KIAA1217: variants seen among roughly 807,000 people sequenced by gnomAD.
KIAA1217 encodes KIAA1217.
In KIAA1217, 88 loss-of-function variants were observed where a neutral mutation model predicts 163.9. That is an observed-to-expected ratio of 0.54 (90% confidence interval 0.45 to 0.64). The LOEUF (loss-of-function observed/expected upper bound fraction) is 0.64, where lower values mean the gene tolerates loss of function less well. Among genes scored for constraint, KIAA1217 ranks in the 30% least tolerant of loss-of-function variants. The pLI is 0.00. For missense variants in KIAA1217, 2,372 were observed against 2,475.0 expected (o/e 0.96, Z 0.88); for synonymous variants, 903 against 923.1 (o/e 0.98, Z 0.39).
rs1456900374 is a variant in KIAA1217, at chr10:24,194,321, C to T, written c.-170-25305C>T. 3.4e-5 allele frequency among the ~76,000 whole-genome samples: 4 copies of T among 116,120 alleles called. No individual in the cohort carries two copies. In the Admixed American group the frequency reaches 3.5e-4, roughly 10 times the overall value. 76.2% of individuals were successfully genotyped at this position (116,120 alleles called of 152,430 possible). A position where few individuals can be genotyped will look rare whatever the true frequency, so the allele number is the denominator to read the frequency against. On this transcript the variant is annotated intron_variant, in intron 2 of 18. Coordinates refer to the KIAA1217 transcript ENST00000376462. Reference sequence around the variant, plus strand: ...CCTCTCCCCTCCCCTCCTCTCCCCTCTCCTCCCCTCCCCTACCCCACCCCA... The same window carrying T: ...CCTCTCCCCTCCCCTCCTCTCCCCTTTCCTCCCCTCCCCTACCCCACCCCA...
intron 2 of KIAA1217, among the ~76,000 whole-genome samples, chr10:24,346,554 G>C (rs1251197538): frequency 6.7e-6 from 1 of 150,132 alleles, no homozygotes; most frequent in Non-Finnish European, 1.5e-5. Context: ...TTGGTATTTT[G>C]GGTTTTGTTG....
intron 1 of KIAA1217, among the ~76,000 whole-genome samples, chr10:23,899,093 G>A (rs963469161): frequency 6.6e-6 from 1 of 152,078 alleles, no homozygotes; most frequent in African/African-American, 2.4e-5. Flanking sequence ...TGGGTTGGCT[G>A]ATTGGTTTGT....
intron 1 of KIAA1217, among the ~76,000 whole-genome samples, chr10:23,829,141 A>G (rs1838052468): frequency 6.6e-6 from 1 of 152,226 alleles, no homozygotes; most frequent in African/African-American, 2.4e-5. Flanking sequence ...GTTGAATATC[A>G]CATTACTTTG....
intron 2 of KIAA1217, among the ~76,000 whole-genome samples, chr10:24,196,002 G>C (rs1392204476): frequency 6.6e-6 from 1 of 151,830 alleles, no homozygotes; most frequent in African/African-American, 2.4e-5. Flanking sequence ...AGGTGTGGTG[G>C]TGTGCACCTG....
intron 2 of KIAA1217, among the ~76,000 whole-genome samples, chr10:24,248,375 C>G (rs1015621405): frequency 6.6e-6 from 1 of 151,948 alleles, no homozygotes; most frequent in Non-Finnish European, 1.5e-5. Context: ...AAATGTATAC[C>G]GAAATGTCCT....
intron 1 of KIAA1217, among the ~76,000 whole-genome samples, chr10:23,988,054 A>T (rs866280606): frequency 2.1e-4 from 20 of 97,030 alleles, no homozygotes; most frequent in East Asian, 4.4e-4. Context: ...ATTTTTTTTT[A>T]AAAAGCAGCG....
chr10:24,389,156 G>A (rs899464715), intron 3 of KIAA1217, among the ~76,000 whole-genome samples: 1 of 152,098 alleles, frequency 6.6e-6, no homozygotes, highest in African/African-American at 2.4e-5. Context: ...CAGCCCAAAC[G>A]TCCATCAATG....
chr10:23,987,726 A>C (rs1846045435), intron 1 of KIAA1217, among the ~76,000 whole-genome samples: 1 of 152,110 alleles, frequency 6.6e-6, no homozygotes, highest in South Asian at 2.1e-4. Flanking sequence ...TACGTTGTGC[A>C]ATAGATCTCT....
chr10:24,243,445 G>T (rs1354422722), intron 2 of KIAA1217, among the ~76,000 whole-genome samples: 4 of 151,422 alleles, frequency 2.6e-5, no homozygotes, highest in African/African-American at 9.7e-5. Context: ...CAGTCCCCAG[G>T]GTCCATTATT....
At chr10:23,948,558 AG>A (rs1269839421) in intron 1 of KIAA1217, among the ~76,000 whole-genome samples, 1 of 152,050 alleles carries the variant, frequency 6.6e-6, no homozygotes, top group Non-Finnish European at 1.5e-5. Flanking sequence ...TGTGATTTTG[AG>A]GGGAAAAAAA....
chr10:23,866,777 G>T (rs572107589), intron 1 of KIAA1217, among the ~76,000 whole-genome samples: 94 of 152,130 alleles, frequency 6.2e-4, no homozygotes, highest in African/African-American at 2.2e-3. Flanking sequence ...GACAACACAA[G>T]TTGGCCATAC....
intron 10 of KIAA1217, 83 bp downstream of exon 10, chr10:24,513,517 G>A: frequency 7.2e-7 from 1 of 1,383,856 alleles, no homozygotes; most frequent in Non-Finnish European, 1.0e-6. Context: ...CTTCCCAGTT[G>A]GTGGTCTTGC....
chr10:24,352,510 T>TG (rs1198868189), intron 2 of KIAA1217, among the ~76,000 whole-genome samples: 1 of 152,202 alleles, frequency 6.6e-6, no homozygotes, highest in Non-Finnish European at 1.5e-5. Context: ...AATCTTTTTT[T>TG]TTGTTGTTGT....
At chr10:23,948,867 T>C (rs11013809) in intron 1 of KIAA1217, among the ~76,000 whole-genome samples, 2,183 of 152,220 alleles carry the variant, frequency 0.014, 59 homozygotes, top group African/African-American at 0.051. Flanking sequence ...TTCAGCTTAG[T>C]CACTACACCC....
At chr10:24,340,514 A>T (rs1320764150) in intron 2 of KIAA1217, among the ~76,000 whole-genome samples, 2 of 152,142 alleles carry the variant, frequency 1.3e-5, no homozygotes, top group Non-Finnish European at 2.9e-5. Flanking sequence ...GAAATTACCC[A>T]GTCTTGGTAT....
chr10:24,177,279 ATATATATATATATATATATT>A lies in KIAA1217; in HGVS notation c.-170-42346_-170-42327del, dbSNP rs1228605455. On this transcript the variant is annotated intron_variant, in intron 2 of 18. Coordinates refer to the KIAA1217 transcript ENST00000376462. ...CCATCATATATATATATATATATATATATATATATATATATATATTACAATTTCTTTGTCATATATATCAC... is the reference window on the plus strand; with the variant it reads ...CCATCATATATATATATATATATATAACAATTTCTTTGTCATATATATCAC... Among the ~76,000 whole-genome samples, 51 of 106,932 alleles carry A rather than the reference ATATATATATATATATATATT, an allele frequency of 4.8e-4. 2 individuals carry two copies. The highest frequency in any genetic ancestry group is 1.6e-3 in the African/African-American group (48 of 30,454). 70.2% of individuals were successfully genotyped at this position (106,932 alleles called of 152,430 possible). A position where few individuals can be genotyped will look rare whatever the true frequency, so the allele number is the denominator to read the frequency against.
chr10:24,411,883 G>T (rs555683560), intron 3 of KIAA1217, among the ~76,000 whole-genome samples: 1 of 151,856 alleles, frequency 6.6e-6, no homozygotes, highest in Non-Finnish European at 1.5e-5. Context: ...GACTAGATAC[G>T]ATCAGTAGGA....
chr10:24,515,881 G>A (rs1179642535), intron 10 of KIAA1217, among the ~76,000 whole-genome samples: 5 of 152,144 alleles, frequency 3.3e-5, no homozygotes, highest in Non-Finnish European at 7.4e-5. Context: ...AGAACAGGCT[G>A]GGCAATATAG....
At chr10:23,934,593 A>ATATATATATACG (rs1843427030) in intron 1 of KIAA1217, among the ~76,000 whole-genome samples, 2 of 64,936 alleles carry the variant, frequency 3.1e-5, no homozygotes, top group African/African-American at 3.3e-4. Context: ...ATATATATGT[A>ATATATATATACG]TATATATATA....
Sources: allele counts gnomAD v4.1 joint callset (sites outside exome capture counted in the v4.1 genomes callset), GRCh38; gene constraint gnomAD v4.1.1; transcripts MANE v1.5; gene names NCBI Gene and HGNC (gene_info 2026-07-23, HGNC 2026-07-21).